PIK3C2B: variants seen among roughly 807,000 people sequenced by gnomAD.
PIK3C2B encodes the protein phosphatidylinositol 4-phosphate 3-kinase C2 domain-containing subunit beta.
Under a neutral mutation model 184.3 loss-of-function variants are expected in PIK3C2B, and 83 were observed. That is an observed-to-expected ratio of 0.45 (90% CI 0.38 to 0.54). The LOEUF (loss-of-function observed/expected upper bound fraction) is 0.54. PIK3C2B is among the 20% of genes least tolerant of loss of function. The pLI is 0.00. For missense variants in PIK3C2B, 1,736 were observed against 2,113.5 expected, an observed-to-expected ratio of 0.82 and a Z score of 3.50; for synonymous variants, 779 against 837.6, an observed-to-expected ratio of 0.93 and a Z score of 1.21.
rs202171895 is a variant in PIK3C2B at position 204,433,963 on chromosome 1, A to T, written c.3687-14T>A. Reference sequence around the variant, plus strand: ...GGGGCACGGTCCCTGAGCCAAGGGGAACATACAGGTAGAAGGTCAACATGG... The same window carrying T: ...GGGGCACGGTCCCTGAGCCAAGGGGTACATACAGGTAGAAGGTCAACATGG... On this transcript the variant is annotated splice_polypyrimidine_tract_variant and intron_variant, in intron 24 of 32. Transcript: ENST00000684373. The surrounding 1 kb of genome is among the most constrained non-coding windows in gnomAD (Gnocchi z 5.0). The T allele has an allele frequency of 4.0e-5, 65 of 1,612,168 alleles. No individual in the cohort carries two copies. The highest frequency in any genetic ancestry group is 4.9e-5 in the Non-Finnish European group (58 of 1,178,890).
intron 12 of PIK3C2B, among the ~76,000 whole-genome samples, chr1:204,453,145 C>G (rs1340080100): frequency 6.6e-6 from 1 of 152,186 alleles, no homozygotes; most frequent in Admixed American, 6.5e-5. Flanking sequence ...GCTACAAATA[C>G]TTAGCTTGCA....
chr1:204,444,737 C>T (rs1385786010), intron 16 of PIK3C2B, among the ~76,000 whole-genome samples: 1 of 152,204 alleles, frequency 6.6e-6, no homozygotes, highest in Non-Finnish European at 1.5e-5. Flanking sequence ...CCTTGACTCC[C>T]ACTGTGCCAG....
At position 204,456,873 on chromosome 1, in the gene PIK3C2B, AACAC is replaced by A. The variant is rs747482741; in HGVS notation, c.1747+160_1747+163del. On this transcript the variant is annotated intron_variant, in intron 10 of 32. Transcript: ENST00000684373. ...CAGCTGTATCCACACCTCATATAGGAACACACACACACACACACACACACACACA... is the reference window on the plus strand; with the variant it reads ...CAGCTGTATCCACACCTCATATAGGAACACACACACACACACACACACACA... Among the ~76,000 whole-genome samples the A allele has an allele frequency of 1.5e-3, 216 of 141,600 alleles. 1 individual carries two copies. The highest frequency in any genetic ancestry group is 5.4e-3 in the African/African-American group (205 of 38,138). 92.9% of individuals were successfully genotyped at this position (141,600 alleles called of 152,430 possible). A position where few individuals can be genotyped will look rare whatever the true frequency, so the allele number is the denominator to read the frequency against.
At chr1:204,463,973 A>G (rs1234966214) in intron 5 of PIK3C2B, 39 bp downstream of exon 5, 5 of 1,605,462 alleles carry the variant, frequency 3.1e-6, no homozygotes, top group Non-Finnish European at 4.3e-6. Context: ...CAATCTTACT[A>G]CCAGGAAGGC....
intron 8 of PIK3C2B, among the ~76,000 whole-genome samples, chr1:204,459,245 G>C (rs569760244): frequency 1.3e-5 from 2 of 152,334 alleles, no homozygotes; most frequent in African/African-American, 2.4e-5. Context: ...TTGAACTTTG[G>C]GGTTCAAGCA....
Position 204,424,494 on chromosome 1 carries a change from T to C in PIK3C2B, c.*358A>G. On this transcript the variant is annotated 3_prime_UTR_variant, in exon 33 of 33. Transcript: ENST00000684373. ...ACATCACTATTTCATTTTTTAAAAA[T>C]AAAAATTAAGATATCCACCCACCCA... 1 of 377,620 alleles carries C rather than the reference T, an allele frequency of 2.6e-6. No individual in the cohort carries two copies. Among genetic ancestry groups the C allele is most frequent in the East Asian group, 6.6e-5 (1 of 15,064 alleles). 23.4% of individuals were successfully genotyped at this position (377,620 alleles called of 1,614,324 possible).
intron 21 of PIK3C2B, among the ~76,000 whole-genome samples, chr1:204,440,749 A>C (rs1451579395): frequency 2.8e-5 from 4 of 144,184 alleles, no homozygotes; most frequent in African/African-American, 5.1e-5. Context: ...GGTGCCTGCC[A>C]CCACGCCCAG....
chr1:204,465,707 G>A (rs1032359893), intron 2 of PIK3C2B, among the ~76,000 whole-genome samples: 1 of 152,212 alleles, frequency 6.6e-6, no homozygotes, highest in African/African-American at 2.4e-5. Context: ...GTTTTTCCCA[G>A]CCCCTCTACT....
chr1:204,432,092 C>A, intron 27 of PIK3C2B, 108 bp downstream of exon 27: 1 of 997,716 alleles, frequency 1.0e-6, no homozygotes, highest in Non-Finnish European at 1.6e-6. Context: ...GCACAGGACG[C>A]TCGGTCAACT....
intron 1 of PIK3C2B, among the ~76,000 whole-genome samples, chr1:204,470,761 A>T (rs1463365919): frequency 2.0e-5 from 3 of 152,262 alleles, no homozygotes; most frequent in African/African-American, 7.2e-5. Flanking sequence ...ATGGATTTTT[A>T]AAAATGTGAT....
chr1:204,426,525 G>A (rs1277260600), intron 31 of PIK3C2B, among the ~76,000 whole-genome samples: 1 of 152,128 alleles, frequency 6.6e-6, no homozygotes, highest in Non-Finnish European at 1.5e-5. Flanking sequence ...TCTTTGCAAA[G>A]TCCACTCCCT....
At chr1:204,466,034 T>C (rs1655751267) in intron 2 of PIK3C2B, among the ~76,000 whole-genome samples, 1 of 152,112 alleles carries the variant, frequency 6.6e-6, no homozygotes, top group Non-Finnish European at 1.5e-5. Flanking sequence ...TGTGTGGTGG[T>C]AGGATTCTCA....
intron 28 of PIK3C2B, 148 bp from the exon 29 acceptor site, chr1:204,430,186 T>G: frequency 4.8e-6 from 3 of 619,492 alleles, no homozygotes; most frequent in Non-Finnish European, 8.8e-6. Flanking sequence ...ACCCTCACAA[T>G]TCCTCCTGTG....
At position 204,464,567 on chromosome 1, in the gene PIK3C2B, T is replaced by C; in HGVS notation, c.1072A>G (p.Thr358Ala). The C allele has an allele frequency of 6.2e-7, 1 of 1,613,752 alleles. No individual in the cohort carries two copies. Among genetic ancestry groups the C allele is most frequent in the Non-Finnish European group, 8.5e-7 (1 of 1,179,808 alleles). ...GTGACAGCACTCCAGACATAGCCAG[T>C]GAGGAAGTAGTCTTGGATGTCAGAG... is the stretch of plus-strand genomic sequence containing the variant. ...SGSDIQDYFLTGYVWSAVTPS... is the reference protein window; with the variant it reads ...SGSDIQDYFLAGYVWSAVTPS... Residue 358 changes from threonine (T) to alanine (A), a missense_variant, in exon 4 of 33, where the codon ACT becomes GCT. Around this residue, in one of 8 missense-constraint regions of PIK3C2B, gnomAD observed 609 missense variants for 699.2 expected, o/e 0.87. Transcript: ENST00000684373.
At chr1:204,445,535 G>A (rs1653778285) in intron 16 of PIK3C2B, among the ~76,000 whole-genome samples, 1 of 150,594 alleles carries the variant, frequency 6.6e-6, no homozygotes, top group Non-Finnish European at 1.5e-5. Context: ...CCAGGAGGTC[G>A]AGGCTGCAGT....
chr1:204,477,874 G>A (rs1656836778), intron 1 of PIK3C2B, among the ~76,000 whole-genome samples: 1 of 152,202 alleles, frequency 6.6e-6, no homozygotes, highest in South Asian at 2.1e-4. Flanking sequence ...CAATTCCAGG[G>A]AGCTTACAAT....
At chr1:204,482,114 G>A (rs1293978448) in intron 1 of PIK3C2B, among the ~76,000 whole-genome samples, 1 of 7,296 alleles carries the variant, frequency 1.4e-4, no homozygotes, top group South Asian at 0.021. Flanking sequence ...AAAGACGGGG[G>A]GGGGGGGGGG....
chr1:204,441,521 A>C lies in PIK3C2B; in HGVS notation c.3199T>G (p.Ser1067Ala), dbSNP rs1486963152. Residue 1067 changes from serine to alanine, a missense_variant, in exon 21 of 33, where the codon TCC (serine) becomes GCC (alanine). Physicochemically the swap from Ser to Ala is moderately conservative, Grantham distance 99. Around this residue, in one of 8 missense-constraint regions of PIK3C2B, gnomAD observed 289 missense variants for 380.4 expected, o/e 0.76. Coordinates refer to ENST00000684373, the MANE Select transcript of PIK3C2B (RefSeq NM_001377334.1). ...CCCAGGGGATCCACATTTTGGAAGGAGAGTTTGAGGGGGACAGCATTGGAG... is the reference window on the plus strand; with the variant it reads ...CCCAGGGGATCCACATTTTGGAAGGCGAGTTTGAGGGGGACAGCATTGGAG... ...FNSNAVPLKLSFQNVDPLGEN... is the reference protein window; with the variant it reads ...FNSNAVPLKLAFQNVDPLGEN... 2.5e-6 allele frequency: 4 copies of C among 1,613,450 alleles called. No homozygotes were observed. Among genetic ancestry groups the C allele is most frequent in the African/African-American group, 1.3e-5 (1 of 75,014 alleles).
intron 1 of PIK3C2B, among the ~76,000 whole-genome samples, chr1:204,472,164 A>T (rs1275773795): frequency 2.2e-5 from 2 of 90,104 alleles, no homozygotes; most frequent in East Asian, 6.2e-4. Context: ...ACACTGGGGG[A>T]ACTTTTTTTT....
Sources: allele counts gnomAD v4.1 joint callset (sites outside exome capture counted in the v4.1 genomes callset), GRCh38; gene constraint gnomAD v4.1.1; regional missense constraint gnomAD v4.1.1; non-coding constraint Gnocchi (gnomAD v3.1); transcripts MANE v1.5; gene names NCBI Gene and HGNC (gene_info 2026-07-23, HGNC 2026-07-21).